The following MERTK variants were observed in gnomAD, a reference collection of about 807,000 sequenced individuals.
MERTK encodes MER proto-oncogene, tyrosine kinase.
MERTK carries 69 observed loss-of-function variants against 99.3 expected under a neutral mutation model. The ratio of observed to expected loss-of-function variants is 0.70; its 90% CI spans 0.57 to 0.85. MERTK has a LOEUF of 0.85. MERTK is among the 40% of genes least tolerant of loss of function. The probability of loss-of-function intolerance (pLI) is 0.00; values close to 1 mark genes in which losing one functional copy is unlikely to be tolerated. For synonymous variants in MERTK, 426 were observed against 467.6 expected, an observed-to-expected ratio of 0.91 and a Z score of 1.15; for missense variants, 1,125 against 1,249.4, an observed-to-expected ratio of 0.90 and a Z score of 1.50.
At chr2:111,970,491 T>G (rs1192965837) in intron 6 of MERTK, among the ~76,000 whole-genome samples, 1 of 152,184 alleles carries the variant, frequency 6.6e-6, no homozygotes, top group Admixed American at 6.5e-5. Flanking sequence ...ATTCACCCAT[T>G]ATTTAAAATG....
chr2:111,922,694 C>T (rs1684487621), intron 1 of MERTK, among the ~76,000 whole-genome samples: 1 of 152,222 alleles, frequency 6.6e-6, no homozygotes, highest in African/African-American at 2.4e-5. Context: ...CTCTTGTCCT[C>T]ACAAGAGTTC....
chr2:112,012,381 T>A (rs1385615500), intron 15 of MERTK, among the ~76,000 whole-genome samples: 2 of 140,996 alleles, frequency 1.4e-5, no homozygotes, highest in Middle Eastern at 3.8e-3. Flanking sequence ...TTGGGCCCCA[T>A]GTGCTGTCAG....
chr2:112,008,498 T>C, intron 14 of MERTK, 23 bp downstream of exon 14: 1 of 1,586,172 alleles, frequency 6.3e-7, no homozygotes, highest in Non-Finnish European at 8.7e-7. Context: ...AATGCAGGAG[T>C]GGGTGGCCAA....
chr2:112,011,984 G>T (rs1677114479), intron 15 of MERTK, among the ~76,000 whole-genome samples: 1 of 152,202 alleles, frequency 6.6e-6, no homozygotes, highest in Non-Finnish European at 1.5e-5. Context: ...CAAATGCCCA[G>T]TGGGCCAGGC....
rs1677287741 is a variant in MERTK, at chr2:112,019,460, G to T, written c.2127G>T (p.Leu709=). 1 of 1,613,894 alleles carries T rather than the reference G, an allele frequency of 6.2e-7. No individual in the cohort carries two copies. The highest frequency in any genetic ancestry group is 1.3e-5 in the African/African-American group (1 of 74,986). ...TGAAGTTCATGGTGGATATTGCCCT[G>T]GGAATGGAGTATCTGAGCAACAGGA... ...TLLKFMVDIA[L]GMEYLSNRNF... Residue 709 remains leucine, a synonymous_variant, in exon 16 of 19, where the codon CTG becomes CTT. Transcript: ENST00000295408.
Position 111,963,399 on chromosome 2 carries a change from C to G in MERTK, c.758-1792C>G, listed in dbSNP as rs139278710. Among the ~76,000 whole-genome samples the G allele has an allele frequency of 2.5e-3, 386 of 152,294 alleles. 1 individual carries two copies. Among genetic ancestry groups the G allele is most frequent in the Non-Finnish European group, 3.7e-3 (255 of 68,014 alleles). ...CTCAGCACAGATCCTTTACGGGTGT[C>G]GGGCTGGGGGACGGTCAGGTCTTTC... is the stretch of plus-strand genomic sequence containing the variant. On this transcript the variant is annotated intron_variant, in intron 4 of 18. Coordinates refer to ENST00000295408, the MANE Select transcript of MERTK (RefSeq NM_006343.3).
At chr2:112,027,959 A>C (rs1373706327) in intron 18 of MERTK, among the ~76,000 whole-genome samples, 1 of 152,244 alleles carries the variant, frequency 6.6e-6, no homozygotes, top group African/African-American at 2.4e-5. Flanking sequence ...TGACATAAGA[A>C]GTCATAGATA....
In MERTK at chr2:111,971,304, T is replaced by C. The variant is rs148362678; in HGVS notation, c.960+3052T>C. Among the ~76,000 whole-genome samples the C allele has an allele frequency of 9.7e-4, 148 of 152,202 alleles. 1 individual carries two copies. Among genetic ancestry groups the C allele is most frequent in the African/African-American group, 3.4e-3 (142 of 41,576 alleles). On this transcript the variant is annotated intron_variant, in intron 6 of 18. Transcript: ENST00000295408. ...TGAATTTTTTTCTATTGTTTTTGTA[T>C]TCTATATTTTCTTTATTTCTGCCTT...
chr2:111,998,372 C>T (rs1026788811), intron 10 of MERTK, among the ~76,000 whole-genome samples: 4 of 152,242 alleles, frequency 2.6e-5, no homozygotes, highest in Admixed American at 6.5e-5. Flanking sequence ...TACAGAGAAC[C>T]TCTGCAGAAG....
intron 1 of MERTK, among the ~76,000 whole-genome samples, chr2:111,901,762 C>T (rs1178573415): frequency 6.6e-6 from 1 of 150,672 alleles, no homozygotes; most frequent in Non-Finnish European, 1.5e-5. Context: ...ACTATGTTGC[C>T]CAGGCTGGTC....
chr2:111,988,818 G>A (rs1269873395), intron 8 of MERTK, among the ~76,000 whole-genome samples: 2 of 152,122 alleles, frequency 1.3e-5, no homozygotes, highest in African/African-American at 2.4e-5. Context: ...GCCTGGTGGC[G>A]GGCACCTGTA....
rs1291686201 is a variant in MERTK at position 111,929,231 on chromosome 2, G to T, written c.173G>T (p.Gly58Val). 6.2e-7 allele frequency: 1 copy of T among 1,614,126 alleles called. No homozygotes were observed. The highest frequency in any genetic ancestry group is 8.5e-7 in the Non-Finnish European group (1 of 1,180,028). ...TPLLSLPHASGYQPALMFSPT... is the reference protein window; with the variant it reads ...TPLLSLPHASVYQPALMFSPT... The stretch of plus-strand genomic sequence containing the variant: ...CTGTTATCCCTTCCTCACGCCAGTG[G>T]GTACCAGCCTGCCTTGATGTTTTCA... Residue 58 changes from glycine (G) to valine (V), a missense_variant, in exon 2 of 19, where the codon GGG becomes GTG. Gly to Val is a moderately radical substitution (Grantham distance 109, BLOSUM62 -3). Transcript: ENST00000295408.
intron 4 of MERTK, among the ~76,000 whole-genome samples, chr2:111,955,164 T>C (rs1343074537): frequency 2.0e-5 from 3 of 152,190 alleles, no homozygotes; most frequent in Non-Finnish European, 2.9e-5. Context: ...AAATAGCCGA[T>C]TGTTTGGACT....
In MERTK at chr2:111,982,927, T is replaced by C; in HGVS notation, c.1230T>C (p.Thr410=). ...ACATCAGATGGATGAAGCCTCCGACTAAGCAGCAGGATGGAGAACTGGTGG... is the reference window on the plus strand; with the variant it reads ...ACATCAGATGGATGAAGCCTCCGACCAAGCAGCAGGATGGAGAACTGGTGG... ...NVDIRWMKPP[T]KQQDGELVGY... Residue 410 remains threonine, a synonymous_variant, in exon 8 of 19, where the codon ACT becomes ACC. Coordinates refer to ENST00000295408, the MANE Select transcript of MERTK (RefSeq NM_006343.3). 6.2e-7 allele frequency: 1 copy of C among 1,614,186 alleles called. No homozygotes were observed. Among genetic ancestry groups the C allele is most frequent in the Non-Finnish European group, 8.5e-7 (1 of 1,180,030 alleles).
rs553610789 is a variant in MERTK at position 111,985,542 on chromosome 2, A to G, written c.1296+2549A>G. Among the ~76,000 whole-genome samples, 236 of 152,332 alleles carry G rather than the reference A, an allele frequency of 1.5e-3. 3 individuals carry two copies. Among genetic ancestry groups the G allele is most frequent in the African/African-American group, 5.2e-3 (216 of 41,562 alleles). ...GTATTAGTCTGTTTTCACACTGCTAATAAAGACATACCTGAGACTAGGTAA... is the reference window on the plus strand; with the variant it reads ...GTATTAGTCTGTTTTCACACTGCTAGTAAAGACATACCTGAGACTAGGTAA... On this transcript the variant is annotated intron_variant, in intron 8 of 18. Transcript: ENST00000295408.
chr2:111,947,551 C>T lies in MERTK; in HGVS notation c.741C>T (p.Ser247=), dbSNP rs760912044. 23 of 1,613,978 alleles carry T rather than the reference C, an allele frequency of 1.4e-5. No individual in the cohort carries two copies. The highest frequency in any genetic ancestry group is 1.7e-4 in the Middle Eastern group (1 of 6,040). The change falls in exon 4 of 19, where the codon TCC becomes TCT. Residue 247 remains serine (S), a synonymous_variant. Coordinates refer to ENST00000295408, the MANE Select transcript of MERTK (RefSeq NM_006343.3). The part of the protein sequence containing the change: ...RVNEQPEKSP[S]VLTVPGLTEM... ...ACGAACAGCCTGAAAAATCCCCCTC[C>T]GTGCTAACTGTTCCAGGTAAGTCCG... is the stretch of plus-strand genomic sequence containing the variant.
At chr2:111,947,347 C>T in intron 3 of MERTK, 47 bp from the exon 4 acceptor site, 1 of 1,541,386 alleles carries the variant, frequency 6.5e-7, no homozygotes, top group Non-Finnish European at 8.8e-7. Context: ...GGCTCTGTCT[C>T]TGTTTTCAGA....
At chr2:111,947,914 G>A (rs963850593) in intron 4 of MERTK, among the ~76,000 whole-genome samples, 7 of 152,112 alleles carry the variant, frequency 4.6e-5, no homozygotes, top group Non-Finnish European at 1.0e-4. Flanking sequence ...AACCACTGAC[G>A]TGAAGACCTC....
chr2:112,027,983 T>C (rs1677503897), intron 18 of MERTK, among the ~76,000 whole-genome samples: 2 of 152,170 alleles, frequency 1.3e-5, no homozygotes, highest in Non-Finnish European at 2.9e-5. Context: ...TGTAAACAAA[T>C]AAGGATAGCT....
Sources: gnomAD v4.1 joint callset for allele counts (sites outside exome capture counted in the v4.1 genomes callset) on GRCh38, gnomAD v4.1.1 for gene constraint, MANE v1.5 for transcripts, NCBI Gene and HGNC (gene_info 2026-07-23, HGNC 2026-07-21) for gene names.